LMBRD2: variants seen among roughly 807,000 people sequenced by gnomAD.
LMBRD2 encodes G protein-coupled receptor-associated protein LMBRD2.
LMBRD2 carries 55 observed loss-of-function variants against 94.4 expected under a neutral mutation model. The observed-to-expected ratio is 0.58, with a 90% CI of 0.47 to 0.73. LMBRD2 has a LOEUF of 0.73. Ranked by LOEUF, LMBRD2 falls within the 30% of genes least tolerant of loss-of-function variation. The probability of loss-of-function intolerance (pLI) is 0.00; values close to 1 mark genes in which losing one functional copy is unlikely to be tolerated. For missense variants in LMBRD2, 640 were observed against 831.9 expected (o/e 0.77, Z 2.84); for synonymous variants, 246 against 272.4 (o/e 0.90, Z 0.95).
chr5:36,122,549 A>G, intron 8 of LMBRD2, 86 bp from the exon 9 acceptor site: 1 of 1,179,914 alleles, frequency 8.5e-7, no homozygotes, highest in Non-Finnish European at 1.2e-6. Context: ...TTGGATTGTC[A>G]TAACAATGGG....
At chr5:36,135,024 C>T (rs1239091111) in intron 6 of LMBRD2, among the ~76,000 whole-genome samples, 2 of 152,158 alleles carry the variant, frequency 1.3e-5, no homozygotes. Flanking sequence ...TACTAGAACA[C>T]ACCCACTCTC....
At chr5:36,109,245 T>C (rs1181485222) in intron 15 of LMBRD2, among the ~76,000 whole-genome samples, 1 of 152,118 alleles carries the variant, frequency 6.6e-6, no homozygotes, top group African/African-American at 2.4e-5. Flanking sequence ...CTAGATAGCA[T>C]GTAATTTCCT....
At chr5:36,119,745 C>T (rs185466364) in intron 9 of LMBRD2, among the ~76,000 whole-genome samples, 214 of 152,288 alleles carry the variant, frequency 1.4e-3, no homozygotes, top group Non-Finnish European at 2.5e-3. Flanking sequence ...TTTGCACCTT[C>T]TCTTCCCTCC....
chr5:36,124,395 A>G, intron 6 of LMBRD2, 130 bp from the exon 7 acceptor site: 1 of 547,098 alleles, frequency 1.8e-6, no homozygotes, highest in Non-Finnish European at 3.3e-6. Flanking sequence ...GCATTACATG[A>G]ATAAAGGTTC....
In LMBRD2 at chr5:36,098,915, A is replaced by G. The variant is rs1743294913; in HGVS notation, c.*5131T>C. ...ATGGCTAACTAAAGATAAACTTGGC[A>G]TCATGCACCAAAAATGACCACAGTA... On this transcript the variant is annotated 3_prime_UTR_variant, in exon 18 of 18. Transcript: ENST00000296603. 6.6e-6 allele frequency: 1 copy of G among 152,152 alleles called. No individual in the cohort carries two copies. The highest frequency in any genetic ancestry group is 6.6e-5 in the Admixed American group (1 of 15,260). The allele number at this position is 152,152 out of a possible 1,614,324, so 9.4% of individuals were successfully genotyped here.
At position 36,140,402 on chromosome 5, in the gene LMBRD2, G is replaced by A. The variant is rs577382862; in HGVS notation, c.368+705C>T. On this transcript the variant is annotated intron_variant, in intron 4 of 17. Transcript: ENST00000296603. Reference sequence around the variant, plus strand: ...GTGCAACCTGCCAGGCTGAGTAAGCGGAATAAGCCCAGCGGGCCTGAGTAA... The same window carrying A: ...GTGCAACCTGCCAGGCTGAGTAAGCAGAATAAGCCCAGCGGGCCTGAGTAA... Among the ~76,000 whole-genome samples, 20 of 152,330 alleles carry A rather than the reference G, an allele frequency of 1.3e-4. No individual in the cohort carries two copies. In the South Asian group the frequency reaches 1.4e-3, roughly 11 times the overall value.
intron 1 of LMBRD2, among the ~76,000 whole-genome samples, chr5:36,146,352 T>A (rs1250072706): frequency 6.6e-6 from 1 of 152,180 alleles, no homozygotes; most frequent in African/African-American, 2.4e-5. Flanking sequence ...TGCATCTTTC[T>A]CTGAAGAAGA....
intron 1 of LMBRD2, among the ~76,000 whole-genome samples, chr5:36,144,963 T>C (rs1744503096): frequency 6.6e-6 from 1 of 152,186 alleles, no homozygotes; most frequent in South Asian, 2.1e-4. Context: ...TTGAACTTCT[T>C]TCATCAATCT....
intron 10 of LMBRD2, 144 bp from the exon 11 acceptor site, chr5:36,116,737 C>T (rs113614245): frequency 9.4e-5 from 66 of 700,660 alleles, no homozygotes; most frequent in African/African-American, 7.2e-4. Context: ...AGTGCAGTGG[C>T]GCGATCTTGG....
chr5:36,108,198 T>C (rs1340603703), intron 16 of LMBRD2, among the ~76,000 whole-genome samples: 3 of 152,166 alleles, frequency 2.0e-5, no homozygotes, highest in Admixed American at 6.5e-5. Context: ...CCAAATAACC[T>C]ACACCTACTA....
At chr5:36,127,912 C>T (rs1744043177) in intron 6 of LMBRD2, among the ~76,000 whole-genome samples, 1 of 152,194 alleles carries the variant, frequency 6.6e-6, no homozygotes. Context: ...CAAACATAGA[C>T]GGTAGCCAGG....
chr5:36,118,106 C>A (rs1025964052), intron 9 of LMBRD2, among the ~76,000 whole-genome samples, 190 bp from the exon 10 acceptor site: 1 of 152,094 alleles, frequency 6.6e-6, no homozygotes, highest in Non-Finnish European at 1.5e-5. Flanking sequence ...ACATCATGTG[C>A]CTCCTGCTAT....
intron 6 of LMBRD2, among the ~76,000 whole-genome samples, chr5:36,135,886 T>C (rs1404048617): frequency 6.6e-6 from 1 of 152,212 alleles, no homozygotes. Flanking sequence ...TGCAAATTGT[T>C]CTTTAAAGAG....
At chr5:36,142,421 A>G (rs1744431699) in intron 3 of LMBRD2, 81 bp downstream of exon 3, 2 of 723,548 alleles carry the variant, frequency 2.8e-6, no homozygotes, top group Admixed American at 2.3e-5. Context: ...ATAAATATAA[A>G]GTCTGGATGG....
intron 6 of LMBRD2, among the ~76,000 whole-genome samples, chr5:36,127,679 C>T (rs1328095380): frequency 1.3e-5 from 2 of 152,190 alleles, no homozygotes; most frequent in Admixed American, 1.3e-4. Context: ...AGAGACTCCT[C>T]TGCTTGTGAA....
At chr5:36,119,845 C>T (rs536420244) in intron 9 of LMBRD2, among the ~76,000 whole-genome samples, 2 of 152,276 alleles carry the variant, frequency 1.3e-5, no homozygotes, top group African/African-American at 2.4e-5. Context: ...AAGTTTCTAA[C>T]ACTACACCTT....
At chr5:36,135,349 G>A (rs906589981) in intron 6 of LMBRD2, among the ~76,000 whole-genome samples, 2 of 152,172 alleles carry the variant, frequency 1.3e-5, no homozygotes, top group Admixed American at 1.3e-4. Flanking sequence ...CAAATAGTAA[G>A]TCTATATAAT....
chr5:36,109,114 G>A (rs1743543315), intron 15 of LMBRD2, among the ~76,000 whole-genome samples: 1 of 151,986 alleles, frequency 6.6e-6, no homozygotes, highest in South Asian at 2.1e-4. Flanking sequence ...CATATTAACT[G>A]GATTCTACTC....
At chr5:36,146,420 G>A (rs1232457972) in intron 1 of LMBRD2, among the ~76,000 whole-genome samples, 2 of 152,194 alleles carry the variant, frequency 1.3e-5, no homozygotes, top group East Asian at 1.9e-4. Flanking sequence ...GCCCAGGCCG[G>A]AGGGCAGTGG....
Sources: gnomAD v4.1 joint callset for allele counts (sites outside exome capture counted in the v4.1 genomes callset) on GRCh38, gnomAD v4.1.1 for gene constraint, MANE v1.5 for transcripts, NCBI Gene and HGNC (gene_info 2026-07-23, HGNC 2026-07-21) for gene names.